ARHGAP15: variants seen among roughly 807,000 people sequenced by gnomAD.
The protein encoded by ARHGAP15 is Rho GTPase activating protein 15.
Under a neutral mutation model 63.7 loss-of-function variants are expected in ARHGAP15, and 51 were observed. The ratio of observed to expected loss-of-function variants is 0.80; its 90% CI spans 0.64 to 1.01. The LOEUF (loss-of-function observed/expected upper bound fraction) is 1.01. Ranked by LOEUF, ARHGAP15 falls within the 50% of genes least tolerant of loss-of-function variation. The pLI is 0.00. For missense variants in ARHGAP15, 560 were observed against 564.6 expected, an observed-to-expected ratio of 0.99 and a Z score of 0.08; for synonymous variants, 191 against 193.8, an observed-to-expected ratio of 0.99 and a Z score of 0.12.
Position 143,532,480 on chromosome 2 carries a change from T to G in ARHGAP15, c.925+13116T>G, listed in dbSNP as rs556439710. On this transcript the variant is annotated intron_variant, in intron 10 of 13. Coordinates refer to ENST00000295095, the MANE Select transcript of ARHGAP15 (RefSeq NM_018460.4). ...ACCAGTAAGGTTTCTTTTCACAAGT[T>G]TTTTTATGGATGAGAGCAGAAAAAG... is the stretch of plus-strand genomic sequence containing the variant. 2.0e-5 allele frequency among the ~76,000 whole-genome samples: 3 copies of G among 152,332 alleles called. No homozygotes were observed. The South Asian group carries it at 6.2e-4, about 32-fold the overall frequency.
At chr2:143,308,570 G>A (rs1041621077) in intron 6 of ARHGAP15, among the ~76,000 whole-genome samples, 5 of 151,950 alleles carry the variant, frequency 3.3e-5, no homozygotes, top group Non-Finnish European at 7.4e-5. Flanking sequence ...GTAATTATGA[G>A]TCTTTATATT....
chr2:143,741,931 G>C (rs1339923991), intron 13 of ARHGAP15, among the ~76,000 whole-genome samples: 1 of 152,040 alleles, frequency 6.6e-6, no homozygotes, highest in East Asian at 1.9e-4. Flanking sequence ...CTAAGTTATA[G>C]AAAAAGGAAG....
intron 8 of ARHGAP15, among the ~76,000 whole-genome samples, chr2:143,465,035 G>A (rs541388057): frequency 6.6e-6 from 1 of 152,226 alleles, no homozygotes; most frequent in African/African-American, 2.4e-5. Flanking sequence ...TGTTGAGACT[G>A]AAAGCCTTTC....
At chr2:143,133,998 T>C (rs1437888692) in intron 1 of ARHGAP15, among the ~76,000 whole-genome samples, 2 of 152,198 alleles carry the variant, frequency 1.3e-5, no homozygotes, top group Non-Finnish European at 2.9e-5. Flanking sequence ...TATTCCACTA[T>C]ATGGAAATAT....
intron 6 of ARHGAP15, among the ~76,000 whole-genome samples, chr2:143,320,942 G>A (rs114419706): frequency 6.6e-6 from 1 of 152,238 alleles, no homozygotes; most frequent in African/African-American, 2.4e-5. Context: ...AGGTACAGCT[G>A]TTCCTAGCTG....
chr2:143,162,127 A>G (rs1690321342), intron 2 of ARHGAP15: 1 of 151,990 alleles, frequency 6.6e-6, no homozygotes, highest in Non-Finnish European at 1.5e-5. Context: ...ATCTGACAGA[A>G]GTCACACGGT....
At chr2:143,447,940 G>C (rs1690221216) in intron 8 of ARHGAP15, among the ~76,000 whole-genome samples, 1 of 152,124 alleles carries the variant, frequency 6.6e-6, no homozygotes, top group African/African-American at 2.4e-5. Flanking sequence ...ACAAAGATTT[G>C]ATCACAGGTA....
chr2:143,493,197 G>T (rs1692665725), intron 9 of ARHGAP15, among the ~76,000 whole-genome samples: 1 of 152,044 alleles, frequency 6.6e-6, no homozygotes. Flanking sequence ...ACTCTCAAAG[G>T]GTAAGGCCCC....
chr2:143,206,579 G>C (rs1471376991), intron 3 of ARHGAP15, among the ~76,000 whole-genome samples: 1 of 151,988 alleles, frequency 6.6e-6, no homozygotes, highest in Non-Finnish European at 1.5e-5. Context: ...GCTGGGTCTT[G>C]ACTCTATTCC....
intron 5 of ARHGAP15, among the ~76,000 whole-genome samples, chr2:143,230,012 T>G (rs1435134526): frequency 2.0e-5 from 3 of 152,170 alleles, no homozygotes; most frequent in Non-Finnish European, 4.4e-5. Context: ...TTGTTTTTAT[T>G]TTTGGATACA....
At chr2:143,723,745 G>A (rs866465085) in intron 13 of ARHGAP15, among the ~76,000 whole-genome samples, 7 of 152,286 alleles carry the variant, frequency 4.6e-5, no homozygotes, top group South Asian at 2.1e-4. Flanking sequence ...AGCCTTTTGC[G>A]TAGGAATGAC....
intron 2 of ARHGAP15, among the ~76,000 whole-genome samples, chr2:143,165,960 G>GAAAGAAAGAAAGAA (rs1690489336): frequency 2.1e-5 from 2 of 93,594 alleles, no homozygotes; most frequent in African/African-American, 8.8e-5. Flanking sequence ...GAAAGAAAGA[G>GAAAGAAAGAAAGAA]AGAAAGAAAG....
At chr2:143,525,159 A>C (rs1011247048) in intron 10 of ARHGAP15, among the ~76,000 whole-genome samples, 38 of 152,222 alleles carry the variant, frequency 2.5e-4, no homozygotes, top group African/African-American at 9.1e-4. Context: ...AATCTATTAT[A>C]GTTGGATCCA....
At chr2:143,168,623 T>C (rs568417674) in intron 2 of ARHGAP15, among the ~76,000 whole-genome samples, 3 of 150,004 alleles carry the variant, frequency 2.0e-5, no homozygotes, top group African/African-American at 7.2e-5. Context: ...TATTCTGGGT[T>C]ATCTAAGATT....
At chr2:143,464,973 C>A (rs891504788) in intron 8 of ARHGAP15, among the ~76,000 whole-genome samples, 7 of 151,968 alleles carry the variant, frequency 4.6e-5, no homozygotes, top group Non-Finnish European at 1.0e-4. Flanking sequence ...TTAAAAAACA[C>A]CCTTCTTTTA....
intron 12 of ARHGAP15, among the ~76,000 whole-genome samples, chr2:143,656,682 T>G (rs1191201411): frequency 1.3e-5 from 2 of 152,196 alleles, no homozygotes; most frequent in African/African-American, 4.8e-5. Context: ...CCTTTTCTTT[T>G]GAACTTCACT....
intron 6 of ARHGAP15, among the ~76,000 whole-genome samples, chr2:143,350,646 C>T (rs1337741578): frequency 1.4e-5 from 2 of 146,876 alleles, no homozygotes; most frequent in Non-Finnish European, 3.0e-5. Context: ...AGTGAAACCC[C>T]GTCTCTATTA....
intron 2 of ARHGAP15, among the ~76,000 whole-genome samples, chr2:143,179,775 C>T (rs1019226565): frequency 6.6e-6 from 1 of 151,954 alleles, no homozygotes; most frequent in African/African-American, 2.4e-5. Context: ...GCCTGTAGTC[C>T]CACCTACTTG....
Position 143,253,601 on chromosome 2 carries a change from G to A in ARHGAP15, c.474+3001G>A, listed in dbSNP as rs137902580. Among the ~76,000 whole-genome samples, 122 of 152,004 alleles carry A rather than the reference G, an allele frequency of 8.0e-4. 1 individual carries two copies. The highest frequency in any genetic ancestry group is 2.5e-3 in the African/African-American group (102 of 41,500). On this transcript the variant is annotated intron_variant, in intron 6 of 13. Transcript: ENST00000295095. ...ATACTTGCTAAGTTTAAGAATATCT[G>A]CATATTTTATAACAGCACACTCTTT...
Sources: gnomAD v4.1 joint callset for allele counts (sites outside exome capture counted in the v4.1 genomes callset) on GRCh38, gnomAD v4.1.1 for gene constraint, MANE v1.5 for transcripts, NCBI Gene and HGNC (gene_info 2026-07-23, HGNC 2026-07-21) for gene names.